BLOC1S5: variants seen among roughly 807,000 people sequenced by gnomAD.
The protein encoded by BLOC1S5 is biogenesis of lysosomal organelles complex 1 subunit 5.
Under a neutral mutation model 24.3 loss-of-function variants are expected in BLOC1S5, and 27 were observed. The ratio of observed to expected loss-of-function variants is 1.11; its 90% CI spans 0.82 to 1.53. BLOC1S5 has a LOEUF of 1.53. Among genes scored for constraint, BLOC1S5 ranks in the 40% most tolerant of loss-of-function variants. The pLI, the probability that BLOC1S5 is intolerant of heterozygous loss-of-function variation, is 0.00. For missense variants in BLOC1S5, 239 were observed against 229.4 expected (o/e 1.04, Z -0.27); for synonymous variants, 84 against 74.5 (o/e 1.13, Z -0.66).
intron 4 of BLOC1S5, among the ~76,000 whole-genome samples, chr6:8,019,220 T>A (rs912615311): frequency 6.6e-6 from 1 of 152,114 alleles, no homozygotes; most frequent in African/African-American, 2.4e-5. Flanking sequence ...CACTCCACGC[T>A]ATCGTTTCCT....
chr6:8,024,098 G>A (rs983816443), intron 4 of BLOC1S5, among the ~76,000 whole-genome samples: 1 of 152,052 alleles, frequency 6.6e-6, no homozygotes, highest in African/African-American at 2.4e-5. Context: ...ATCTAAGTCT[G>A]CTTACAAACT....
At chr6:8,045,735 C>A (rs1763863259) in intron 2 of BLOC1S5, among the ~76,000 whole-genome samples, 1 of 152,190 alleles carries the variant, frequency 6.6e-6, no homozygotes, top group Admixed American at 6.5e-5. Context: ...GGATTTCGGA[C>A]TTGCATGGGC....
chr6:8,029,638 C>G (rs2815131), intron 3 of BLOC1S5, among the ~76,000 whole-genome samples: 129,088 of 152,226 alleles, frequency 0.85, 55,044 homozygotes, highest in East Asian at 1. Flanking sequence ...CTACTCAGCA[C>G]CACCACACTG....
intron 4 of BLOC1S5, among the ~76,000 whole-genome samples, chr6:8,016,323 C>G (rs1013928526): frequency 1.5e-4 from 18 of 120,900 alleles, no homozygotes; most frequent in African/African-American, 5.6e-4. Context: ...GAGACTCCGT[C>G]TCAAAAAAAA....
At chr6:8,045,809 G>A (rs1031873740) in intron 2 of BLOC1S5, among the ~76,000 whole-genome samples, 5 of 152,208 alleles carry the variant, frequency 3.3e-5, no homozygotes, top group Admixed American at 1.3e-4. Flanking sequence ...CCCAATACCT[G>A]TAACCCCATT....
chr6:8,059,867 A>C (rs1301785748), intron 2 of BLOC1S5, among the ~76,000 whole-genome samples: 1 of 152,238 alleles, frequency 6.6e-6, no homozygotes, highest in East Asian at 1.9e-4. Context: ...AGCCCTTCAG[A>C]GACCATTCTT....
chr6:8,018,162 C>A (rs1411925486), intron 4 of BLOC1S5: 1 of 152,182 alleles, frequency 6.6e-6, no homozygotes, highest in African/African-American at 2.4e-5. Context: ...ATTGGTTAAA[C>A]AGGTTAAACA....
At position 8,041,226 on chromosome 6, in the gene BLOC1S5, T is replaced by C; in HGVS notation, c.238A>G (p.Lys80Glu). 4 of 1,612,756 alleles carry C rather than the reference T, an allele frequency of 2.5e-6. No homozygotes were observed. The highest frequency in any genetic ancestry group is 2.2e-5 in the East Asian group (1 of 44,840). The change falls in exon 3 of 5, where the codon AAG (lysine) becomes GAG (glutamate). Residue 80 changes from lysine to glutamate, a missense_variant. Physicochemically the swap from Lys to Glu is moderately conservative, Grantham distance 56 (BLOSUM62 1). Transcript: ENST00000397457. Reference sequence around the variant, plus strand: ...TCATTTGTTTCATGGATCATGTTCTTCAAATTTTCAAGAACTCGCATTTCT... The same window carrying C: ...TCATTTGTTTCATGGATCATGTTCTCCAAATTTTCAAGAACTCGCATTTCT... Reference protein sequence around the residue: ...LREMRVLENLKNMIHETNEHT... With the variant: ...LREMRVLENLENMIHETNEHT...
Position 8,015,501 on chromosome 6 carries a change from G to T in BLOC1S5, c.*148C>A. ...CCTTCTTTAAATATCCAATCAGAAT[G>T]CCAGTAGAAACTTCTTTCTTCTGAT... is the stretch of plus-strand genomic sequence containing the variant. On this transcript the variant is annotated 3_prime_UTR_variant, in exon 5 of 5. Coordinates refer to ENST00000397457, the MANE Select transcript of BLOC1S5 (RefSeq NM_201280.3). The T allele has an allele frequency of 1.4e-6, 1 of 724,042 alleles. No homozygotes were observed. The highest frequency in any genetic ancestry group is 2.1e-6 in the Non-Finnish European group (1 of 467,522). 44.9% of individuals were successfully genotyped at this position (724,042 alleles called of 1,614,324 possible). A position where few individuals can be genotyped will look rare whatever the true frequency, so the allele number is the denominator to read the frequency against.
At position 8,061,849 on chromosome 6, in the gene BLOC1S5, C is replaced by T. The variant is rs375445615; in HGVS notation, c.195+685G>A. On this transcript the variant is annotated intron_variant, in intron 2 of 4. Coordinates refer to ENST00000397457, the MANE Select transcript of BLOC1S5 (RefSeq NM_201280.3). Reference sequence around the variant, plus strand: ...AGATGGCATGTTCATGCATCACTGTCGCTGGAACATAGTATGTAAGGTAGA... The same window carrying T: ...AGATGGCATGTTCATGCATCACTGTTGCTGGAACATAGTATGTAAGGTAGA... Among the ~76,000 whole-genome samples the T allele has an allele frequency of 2.6e-5, 4 of 152,306 alleles. No individual in the cohort carries two copies. The East Asian group carries it at 5.8e-4, about 22-fold the overall frequency.
chr6:8,064,119 G>A (rs908091230), intron 1 of BLOC1S5, 146 bp downstream of exon 1: 2 of 596,692 alleles, frequency 3.4e-6, no homozygotes, highest in Non-Finnish European at 2.8e-6. Context: ...CGGGGAAAAA[G>A]GCGGGGACCG....
At position 8,015,572 on chromosome 6, in the gene BLOC1S5, A is replaced by C. The variant is rs1581388241; in HGVS notation, c.*77T>G. The C allele has an allele frequency of 1.4e-6, 2 of 1,426,982 alleles. No homozygotes were observed. The highest frequency in any genetic ancestry group is 4.6e-5 in the East Asian group (2 of 43,486). 88.4% of individuals were successfully genotyped at this position (1,426,982 alleles called of 1,614,324 possible). Reference sequence around the variant, plus strand: ...ATTGCTAAGCTTGAAGCAGAGGCTAAACGGTCTGGTGGGAATAGTTTTCAG... The same window carrying C: ...ATTGCTAAGCTTGAAGCAGAGGCTACACGGTCTGGTGGGAATAGTTTTCAG... On this transcript the variant is annotated 3_prime_UTR_variant, in exon 5 of 5. Coordinates refer to ENST00000397457, the MANE Select transcript of BLOC1S5 (RefSeq NM_201280.3).
intron 2 of BLOC1S5, among the ~76,000 whole-genome samples, chr6:8,042,844 A>G (rs995067926): frequency 1.3e-5 from 2 of 152,142 alleles, no homozygotes; most frequent in Non-Finnish European, 2.9e-5. Context: ...TGCCTCCTTG[A>G]CCAGCCCCCA....
At position 8,015,538 on chromosome 6, in the gene BLOC1S5, A is replaced by C; in HGVS notation, c.*111T>G. On this transcript the variant is annotated 3_prime_UTR_variant, in exon 5 of 5. Transcript: ENST00000397457. ...TTCTTTCTTCTGATATAAGAGTGCC[A>C]CTGAATATATTGCTAAGCTTGAAGC... 1 of 1,088,546 alleles carries C rather than the reference A, an allele frequency of 9.2e-7. No individual in the cohort carries two copies. Among genetic ancestry groups the C allele is most frequent in the South Asian group, 1.8e-5 (1 of 56,792 alleles). 67.4% of individuals were successfully genotyped at this position (1,088,546 alleles called of 1,614,324 possible).
intron 2 of BLOC1S5, among the ~76,000 whole-genome samples, chr6:8,059,949 A>G (rs774187091): frequency 7.9e-5 from 12 of 152,250 alleles, no homozygotes; most frequent in Non-Finnish European, 1.3e-4. Context: ...ATTCACTGGC[A>G]TATCATTACT....
intron 2 of BLOC1S5, among the ~76,000 whole-genome samples, chr6:8,057,879 AT>A (rs1355649177): frequency 1.3e-5 from 2 of 152,176 alleles, no homozygotes; most frequent in African/African-American, 4.8e-5. Flanking sequence ...AACATCACCC[AT>A]TCTATGAAAA....
chr6:8,038,540 C>A (rs7771219), intron 3 of BLOC1S5, among the ~76,000 whole-genome samples: 5,955 of 152,070 alleles, frequency 0.039, 371 homozygotes, highest in African/African-American at 0.13. Flanking sequence ...GCTGGAGTGC[C>A]GTGGCGCTAT....
intron 2 of BLOC1S5, among the ~76,000 whole-genome samples, chr6:8,045,337 C>T (rs1763842361): frequency 6.6e-6 from 1 of 152,224 alleles, no homozygotes; most frequent in Admixed American, 6.5e-5. Context: ...AAGGAAATGC[C>T]TGGGTGTCCA....
chr6:8,018,381 G>A (rs1167210838), intron 4 of BLOC1S5, among the ~76,000 whole-genome samples: 1 of 152,182 alleles, frequency 6.6e-6, no homozygotes, highest in Non-Finnish European at 1.5e-5. Flanking sequence ...AATAAATACA[G>A]AGAATGTTAA....
Sources: gnomAD v4.1 joint callset for allele counts (sites outside exome capture counted in the v4.1 genomes callset) on GRCh38, gnomAD v4.1.1 for gene constraint, MANE v1.5 for transcripts, NCBI Gene and HGNC (gene_info 2026-07-23, HGNC 2026-07-21) for gene names.